PPP2R2B: variants seen among roughly 807,000 people sequenced by gnomAD.
PPP2R2B encodes the protein serine/threonine-protein phosphatase 2A 55 kDa regulatory subunit B beta isoform.
Under a neutral mutation model 46.0 loss-of-function variants are expected in PPP2R2B, and 5 were observed. That is an observed-to-expected ratio of 0.11 (90% CI 0.06 to 0.23). The LOEUF is 0.23. Among genes scored for constraint, PPP2R2B ranks in the 10% least tolerant of loss-of-function variants. PPP2R2B has a pLI of 1.00. For missense variants in PPP2R2B, 367 were observed against 575.0 expected, an observed-to-expected ratio of 0.64 and a Z score of 3.70; for synonymous variants, 215 against 206.7, an observed-to-expected ratio of 1.04 and a Z score of -0.34.
At position 146,590,211 on chromosome 5, in the gene PPP2R2B, G is replaced by T. The variant is rs997978153; in HGVS notation, c.1068C>A (p.Gly356=). 2 of 1,614,082 alleles carry T rather than the reference G, an allele frequency of 1.2e-6. No individual in the cohort carries two copies. Among genetic ancestry groups the T allele is most frequent in the Non-Finnish European group, 1.7e-6 (2 of 1,179,990 alleles). Residue 356 remains glycine (G), a synonymous_variant, in exon 10 of 10, where the codon GGC becomes GGA. Transcript: ENST00000394411. ...ACATCCTGAAGAAGTTGTTGTAGGA[G>T]CCTGTCATGATGACACTGCAAGGCA... is the stretch of plus-strand genomic sequence containing the variant. The part of the protein sequence containing the change: ...WNGSDSVIMT[G]SYNNFFRMFD...
intron 5 of PPP2R2B, among the ~76,000 whole-genome samples, chr5:146,685,849 C>T (rs947322516): frequency 6.6e-6 from 1 of 152,058 alleles, no homozygotes; most frequent in Non-Finnish European, 1.5e-5. Context: ...GTGTACCCAC[C>T]CTGTGGCAGA....
chr5:146,699,297 A>G (rs984121855), intron 3 of PPP2R2B, among the ~76,000 whole-genome samples: 1 of 152,098 alleles, frequency 6.6e-6, no homozygotes, highest in Non-Finnish European at 1.5e-5. Flanking sequence ...TCACTCCTGG[A>G]GCTCACTCAC....
At chr5:146,942,128 GATTAC>G (rs1764341575) in intron 1 of PPP2R2B, among the ~76,000 whole-genome samples, 1 of 152,136 alleles carries the variant, frequency 6.6e-6, no homozygotes, top group African/African-American at 2.4e-5. Context: ...TGATTTTTCA[GATTAC>G]ATGCGCAAAG....
intron 1 of PPP2R2B, among the ~76,000 whole-genome samples, chr5:146,945,271 T>A (rs936305671): frequency 1.6e-4 from 24 of 152,158 alleles, no homozygotes; most frequent in African/African-American, 5.8e-4. Flanking sequence ...TCCTCAAAAT[T>A]TAAGTCCACT....
chr5:146,900,571 C>CTTCA (rs1762798671), intron 1 of PPP2R2B, among the ~76,000 whole-genome samples: 1 of 132,622 alleles, frequency 7.5e-6, no homozygotes, highest in Non-Finnish European at 1.6e-5. Context: ...TCCTTCCTTC[C>CTTCA]TTCCTTCCTT....
chr5:146,729,468 GC>G (rs1274799660), intron 2 of PPP2R2B, among the ~76,000 whole-genome samples: 4 of 152,220 alleles, frequency 2.6e-5, no homozygotes, highest in Admixed American at 6.5e-5. Flanking sequence ...AGTAGCAGGA[GC>G]CTAATGTTAA....
chr5:147,026,328 A>G (rs1217386625), intron 1 of PPP2R2B, among the ~76,000 whole-genome samples: 2 of 152,162 alleles, frequency 1.3e-5, no homozygotes, highest in East Asian at 3.8e-4. Flanking sequence ...ACATTGATGA[A>G]TCTCAAAACA....
chr5:146,593,708 T>C (rs944489527), intron 8 of PPP2R2B, among the ~76,000 whole-genome samples: 2 of 152,018 alleles, frequency 1.3e-5, no homozygotes, highest in Non-Finnish European at 2.9e-5. Flanking sequence ...TCTCCAAGCA[T>C]AGGAAACAGC....
At chr5:146,863,977 G>A (rs1326159783) in intron 2 of PPP2R2B, among the ~76,000 whole-genome samples, 1 of 152,126 alleles carries the variant, frequency 6.6e-6, no homozygotes, top group African/African-American at 2.4e-5. Flanking sequence ...AAGGGCCATA[G>A]CAATTACAAA....
chr5:146,798,175 G>A (rs1756657002), intron 2 of PPP2R2B, among the ~76,000 whole-genome samples: 1 of 152,034 alleles, frequency 6.6e-6, no homozygotes, highest in African/African-American at 2.4e-5. Context: ...CATTCACCCA[G>A]AAGGCAAATT....
chr5:146,875,296 G>C (rs75446335), intron 2 of PPP2R2B, among the ~76,000 whole-genome samples: 2,711 of 152,138 alleles, frequency 0.018, 49 homozygotes, highest in Non-Finnish European at 0.029. Flanking sequence ...GAGGAGGAAA[G>C]GTAGGGGAGG....
intron 1 of PPP2R2B, among the ~76,000 whole-genome samples, chr5:146,965,235 G>T (rs1291218081): frequency 6.6e-6 from 1 of 152,062 alleles, no homozygotes; most frequent in Non-Finnish European, 1.5e-5. Flanking sequence ...CCATATGTTT[G>T]TTTCCTCCAG....
rs9715891 is a variant in PPP2R2B, at chr5:147,012,025, T to C, written c.79+43640A>G. Reference sequence around the variant, plus strand: ...TTGCATCAATGTTCATCAAGGATAGTGGTCTAAAATTCTCTTTTTTTGTTG... The same window carrying C: ...TTGCATCAATGTTCATCAAGGATAGCGGTCTAAAATTCTCTTTTTTTGTTG... On this transcript the variant is annotated intron_variant, in intron 1 of 8. Coordinates refer to the PPP2R2B transcript ENST00000336640. 4.1e-4 allele frequency among the ~76,000 whole-genome samples: 61 copies of C among 150,014 alleles called. 1 individual carries two copies. The highest frequency in any genetic ancestry group is 1.3e-3 in the African/African-American group (55 of 40,982).
intron 1 of PPP2R2B, among the ~76,000 whole-genome samples, chr5:146,902,126 C>T (rs1466659513): frequency 1.3e-5 from 2 of 152,158 alleles, no homozygotes; most frequent in African/African-American, 2.4e-5. Flanking sequence ...ACTGGCATCT[C>T]AGAATCAACA....
upstream of PPP2R2B, among the ~76,000 whole-genome samples, chr5:146,883,169 C>T (rs1173977590): frequency 3.9e-5 from 6 of 152,248 alleles, no homozygotes; most frequent in African/African-American, 1.4e-4. Context: ...TTATAAATTT[C>T]ATGACCTTTG....
At chr5:146,753,227 A>G (rs1038451567) in intron 2 of PPP2R2B, among the ~76,000 whole-genome samples, 6 of 152,216 alleles carry the variant, frequency 3.9e-5, no homozygotes, top group African/African-American at 1.4e-4. Context: ...TGCTATGAGA[A>G]GGAAAAGTTA....
At chr5:147,018,088 C>T (rs963312695) in intron 1 of PPP2R2B, among the ~76,000 whole-genome samples, 4 of 150,372 alleles carry the variant, frequency 2.7e-5, no homozygotes, top group South Asian at 2.1e-4. Context: ...CACTTAGAAG[C>T]GTTAAGCATC....
At chr5:146,604,790 C>T (rs1772109353) in intron 7 of PPP2R2B, among the ~76,000 whole-genome samples, 1 of 152,200 alleles carries the variant, frequency 6.6e-6, no homozygotes. Flanking sequence ...TGCAGCTAGG[C>T]AGTGGTAGAG....
intron 2 of PPP2R2B, among the ~76,000 whole-genome samples, chr5:146,829,021 G>A (rs1442895682): frequency 2.0e-5 from 3 of 152,156 alleles, no homozygotes. Context: ...TAAGTGAGCT[G>A]AATAATACAG....
Sources: gnomAD v4.1 joint callset for allele counts (sites outside exome capture counted in the v4.1 genomes callset) on GRCh38, gnomAD v4.1.1 for gene constraint, MANE v1.5 for transcripts, NCBI Gene and HGNC (gene_info 2026-07-23, HGNC 2026-07-21) for gene names.